The following LYPLAL1 variants were observed in gnomAD, a reference collection of about 807,000 sequenced individuals.
LYPLAL1 encodes lysophospholipase-like protein 1.
A neutral mutation model predicts 19.7 loss-of-function variants in LYPLAL1; 23 were observed. The observed-to-expected ratio is 1.17, with a 90% CI of 0.84 to 1.65. The LOEUF is 1.65. Ranked by LOEUF, LYPLAL1 falls within the 40% of genes most tolerant of loss-of-function variation. The pLI is 0.00. For missense variants in LYPLAL1, 355 were observed against 279.4 expected (o/e 1.27, Z -1.93); for synonymous variants, 119 against 96.3 (o/e 1.24, Z -1.38).
At chr1:219,289,965 A>C in the LYPLAL1 span, among the ~76,000 whole-genome samples, 2,318 of 152,230 alleles carry the variant, frequency 0.015, 51 homozygotes, top group African/African-American at 0.051. Flanking sequence ...GGCCAATCCT[A>C]CTGATCCACA....
At chr1:219,361,802 C>A in the LYPLAL1 span, among the ~76,000 whole-genome samples, 12 of 152,082 alleles carry the variant, frequency 7.9e-5, no homozygotes, top group Non-Finnish European at 1.5e-4. Flanking sequence ...GAACTTGAGT[C>A]TTAGAGGGAT....
At chr1:219,364,402 C>A in the LYPLAL1 span, among the ~76,000 whole-genome samples, 2 of 152,058 alleles carry the variant, frequency 1.3e-5, no homozygotes, top group African/African-American at 4.8e-5. Flanking sequence ...TTGACCTTTG[C>A]GTTCTAGCCT....
chr1:219,218,759 A>G, the LYPLAL1 span, among the ~76,000 whole-genome samples: 3 of 152,254 alleles, frequency 2.0e-5, no homozygotes, highest in South Asian at 2.1e-4. Context: ...TATTTGTTCA[A>G]TTCTGCCATT....
At chr1:219,239,585 G>C in the LYPLAL1 span, among the ~76,000 whole-genome samples, 1 of 152,168 alleles carries the variant, frequency 6.6e-6, no homozygotes, top group African/African-American at 2.4e-5. Context: ...TCTTGTGTCA[G>C]CACATATAAT....
At chr1:219,302,754 A>G in the LYPLAL1 span, among the ~76,000 whole-genome samples, 4 of 151,836 alleles carry the variant, frequency 2.6e-5, no homozygotes, top group South Asian at 2.1e-4. Context: ...TTCACCTCCA[A>G]TCTTTGTCTG....
At chr1:219,275,445 AT>A in the LYPLAL1 span, among the ~76,000 whole-genome samples, 1 of 152,080 alleles carries the variant, frequency 6.6e-6, no homozygotes, top group Non-Finnish European at 1.5e-5. Context: ...GACATTCATA[AT>A]TTTCTATATA....
chr1:219,306,869 CAGAT>C, the LYPLAL1 span, among the ~76,000 whole-genome samples: 10 of 143,906 alleles, frequency 6.9e-5, no homozygotes, highest in South Asian at 1.2e-3. Context: ...GACAGACAGA[CAGAT>C]AGATAGAGAT....
the LYPLAL1 span, among the ~76,000 whole-genome samples, chr1:219,336,003 C>A: frequency 6.6e-6 from 1 of 150,600 alleles, no homozygotes; most frequent in African/African-American, 2.4e-5. Context: ...CTCTAGGTGA[C>A]CAAACAGAAA....
chr1:219,375,631 G>C, the LYPLAL1 span, among the ~76,000 whole-genome samples: 1 of 150,922 alleles, frequency 6.6e-6, no homozygotes, highest in Non-Finnish European at 1.5e-5. Context: ...ATTTTTTACA[G>C]ATACATAAAC....
At chr1:219,233,806 C>T in the LYPLAL1 span, among the ~76,000 whole-genome samples, 5 of 151,706 alleles carry the variant, frequency 3.3e-5, no homozygotes, top group African/African-American at 9.7e-5. Context: ...ATGTTATGTG[C>T]ATTTTAGCAC....
the LYPLAL1 span, among the ~76,000 whole-genome samples, chr1:219,405,996 T>A: frequency 6.6e-6 from 1 of 152,178 alleles, no homozygotes; most frequent in Non-Finnish European, 1.5e-5. Context: ...AAGTGTCCCT[T>A]CCACCTATTT....
chr1:219,293,568 T>C, the LYPLAL1 span, among the ~76,000 whole-genome samples: 1 of 152,196 alleles, frequency 6.6e-6, no homozygotes, highest in African/African-American at 2.4e-5. Flanking sequence ...GAAATTCACA[T>C]TGAAATTAAA....
chr1:219,276,379 A>C, the LYPLAL1 span, among the ~76,000 whole-genome samples: 1 of 152,144 alleles, frequency 6.6e-6, no homozygotes, highest in Non-Finnish European at 1.5e-5. Context: ...GAAAAAAAAA[A>C]CAGCAAAGGA....
chr1:219,371,352 A>G, the LYPLAL1 span, among the ~76,000 whole-genome samples: 7 of 152,212 alleles, frequency 4.6e-5, no homozygotes, highest in African/African-American at 1.4e-4. Context: ...AGATAATCAT[A>G]TCAAAGGAAG....
At chr1:219,412,269 C>T in the LYPLAL1 span, among the ~76,000 whole-genome samples, 1 of 152,134 alleles carries the variant, frequency 6.6e-6, no homozygotes. Flanking sequence ...CTCAATGATC[C>T]TCCTGCCTTG....
At chr1:219,291,773 A>C in the LYPLAL1 span, among the ~76,000 whole-genome samples, 3 of 129,100 alleles carry the variant, frequency 2.3e-5, no homozygotes, top group East Asian at 2.3e-4. Flanking sequence ...AAATGCCTTC[A>C]TGCTCCATTC....
At chr1:219,419,594 C>CACACACAGAGAGAGAGAG in the LYPLAL1 span, among the ~76,000 whole-genome samples, 3 of 99,602 alleles carry the variant, frequency 3.0e-5, no homozygotes, top group South Asian at 4.0e-4. Context: ...CACACACACA[C>CACACACAGAGAGAGAGAG]AGAGAGAGAG....
chr1:219,327,808 G>A, the LYPLAL1 span, among the ~76,000 whole-genome samples: 1 of 151,982 alleles, frequency 6.6e-6, no homozygotes, highest in South Asian at 2.1e-4. Flanking sequence ...CTTTCACTTG[G>A]TTCTCATTCT....
At chr1:219,254,833 GA>G in the LYPLAL1 span, among the ~76,000 whole-genome samples, 2 of 152,030 alleles carry the variant, frequency 1.3e-5, no homozygotes, top group Non-Finnish European at 2.9e-5. Context: ...CAAGGTTGGA[GA>G]AGTTTTCATA....
Sources: gnomAD v4.1 joint callset for allele counts (sites outside exome capture counted in the v4.1 genomes callset) on GRCh38, gnomAD v4.1.1 for gene constraint, MANE v1.5 for transcripts, NCBI Gene and HGNC (gene_info 2026-07-23, HGNC 2026-07-21) for gene names.